The following XKR9 variants were observed in gnomAD, a reference collection of about 807,000 sequenced individuals.
The protein encoded by XKR9 is XK-related protein 9.
A neutral mutation model predicts 32.0 loss-of-function variants in XKR9; 32 were observed. The observed-to-expected ratio is 1.00, with a 90% confidence interval of 0.76 to 1.34. The LOEUF is 1.34. Among genes scored for constraint, XKR9 ranks in the 40% most tolerant of loss-of-function variants. XKR9 has a pLI of 0.00. For missense variants in XKR9, 546 were observed against 429.7 expected, an observed-to-expected ratio of 1.27 and a Z score of -2.39; for synonymous variants, 168 against 143.4, an observed-to-expected ratio of 1.17 and a Z score of -1.22.
chr8:70,770,088 T>C (rs1807433687), intron 2 of XKR9, among the ~76,000 whole-genome samples: 1 of 152,172 alleles, frequency 6.6e-6, no homozygotes. Flanking sequence ...TATCTACTGT[T>C]GCTCTTTAAT....
intron 2 of XKR9, among the ~76,000 whole-genome samples, chr8:70,751,712 T>C (rs372818111): frequency 6.6e-6 from 1 of 152,290 alleles, no homozygotes; most frequent in East Asian, 1.9e-4. Context: ...TCAAGTTCTC[T>C]GGACTTTGGA....
At chr8:70,865,467 C>CAAA in the XKR9 span, among the ~76,000 whole-genome samples, 1 of 146,626 alleles carries the variant, frequency 6.8e-6, no homozygotes, top group Admixed American at 6.8e-5. Context: ...CTCACTTTCT[C>CAAA]AAAAAAAAAA....
intron 4 of XKR9, among the ~76,000 whole-genome samples, chr8:70,726,235 C>T (rs960145131): frequency 3.3e-5 from 5 of 152,184 alleles, no homozygotes; most frequent in African/African-American, 1.2e-4. Flanking sequence ...CCAAAGAAAT[C>T]AGCAGCTTAC....
chr8:70,729,597 A>G (rs1364543233), intron 4 of XKR9, among the ~76,000 whole-genome samples: 1 of 152,204 alleles, frequency 6.6e-6, no homozygotes, highest in African/African-American at 2.4e-5. Context: ...GAGGATCAAA[A>G]TAAGGCAACA....
intron 4 of XKR9, among the ~76,000 whole-genome samples, chr8:70,710,025 A>C (rs191841151): frequency 2.0e-5 from 3 of 152,238 alleles, no homozygotes; most frequent in African/African-American, 7.2e-5. Context: ...GCATCACACT[A>C]TCTGACTTCA....
At chr8:70,787,154 C>A (rs1344554099) in intron 2 of XKR9, among the ~76,000 whole-genome samples, 4 of 152,038 alleles carry the variant, frequency 2.6e-5, no homozygotes, top group African/African-American at 9.7e-5. Context: ...CAAAATTGTT[C>A]AATAACATCC....
chr8:70,927,782 A>G, the XKR9 span, among the ~76,000 whole-genome samples: 1 of 152,112 alleles, frequency 6.6e-6, no homozygotes, highest in Non-Finnish European at 1.5e-5. Flanking sequence ...AAAACATAAC[A>G]CTGTCCATAC....
At chr8:70,674,151 G>A (rs190800814) in intron 1 of XKR9, among the ~76,000 whole-genome samples, 409 of 152,138 alleles carry the variant, frequency 2.7e-3, no homozygotes, top group Non-Finnish European at 3.7e-3. Flanking sequence ...CCTGAGTGAT[G>A]GAGCAAGACC....
At chr8:70,983,705 C>G in the XKR9 span, among the ~76,000 whole-genome samples, 2 of 151,874 alleles carry the variant, frequency 1.3e-5, no homozygotes, top group African/African-American at 4.8e-5. Context: ...CGCTTGAACC[C>G]GGGAAGTGGA....
chr8:70,980,009 ATC>A, the XKR9 span, among the ~76,000 whole-genome samples: 1 of 152,218 alleles, frequency 6.6e-6, no homozygotes, highest in African/African-American at 2.4e-5. Flanking sequence ...TCGCAGTTCG[ATC>A]TGAGACTGCT....
chr8:70,673,343 T>C (rs543609546), intron 1 of XKR9, among the ~76,000 whole-genome samples: 1 of 152,302 alleles, frequency 6.6e-6, no homozygotes, highest in South Asian at 2.1e-4. Flanking sequence ...ATTTGGCAGA[T>C]GAAGGAATAG....
chr8:70,966,609 G>A, the XKR9 span, among the ~76,000 whole-genome samples: 33 of 152,140 alleles, frequency 2.2e-4, no homozygotes, highest in Non-Finnish European at 4.3e-4. Flanking sequence ...GTTTTGGGTG[G>A]AGATTTTTGT....
the XKR9 span, among the ~76,000 whole-genome samples, chr8:70,982,513 A>T: frequency 5.3e-5 from 8 of 152,140 alleles, no homozygotes; most frequent in African/African-American, 1.9e-4. Flanking sequence ...CACAGCCCCC[A>T]GTCCTAAAGG....
the XKR9 span, among the ~76,000 whole-genome samples, chr8:71,003,234 G>C: frequency 6.6e-6 from 1 of 152,172 alleles, no homozygotes; most frequent in Non-Finnish European, 1.5e-5. Context: ...TCATTGGCCT[G>C]AGACTTTCCT....
At chr8:70,979,485 C>G in the XKR9 span, among the ~76,000 whole-genome samples, 2 of 152,218 alleles carry the variant, frequency 1.3e-5, no homozygotes, top group African/African-American at 4.8e-5. Flanking sequence ...TTCCTTCTAA[C>G]AGTCAGGTCC....
At chr8:70,759,042 T>G (rs896487508) in intron 2 of XKR9, among the ~76,000 whole-genome samples, 1 of 152,240 alleles carries the variant, frequency 6.6e-6, no homozygotes, top group African/African-American at 2.4e-5. Flanking sequence ...CAAATGACTA[T>G]TTTAATTAAA....
the XKR9 span, among the ~76,000 whole-genome samples, chr8:70,903,560 C>G: frequency 3.3e-5 from 5 of 152,164 alleles, no homozygotes; most frequent in Non-Finnish European, 5.9e-5. Context: ...GGCAGTCTAT[C>G]AATTTTGTTG....
the XKR9 span, among the ~76,000 whole-genome samples, chr8:71,004,826 A>G: frequency 6.6e-6 from 1 of 152,062 alleles, no homozygotes; most frequent in Non-Finnish European, 1.5e-5. Flanking sequence ...ACTTGGGATT[A>G]CCAATACCTT....
At chr8:70,721,520 T>C (rs1806281122) in intron 4 of XKR9, among the ~76,000 whole-genome samples, 1 of 152,196 alleles carries the variant, frequency 6.6e-6, no homozygotes, top group Admixed American at 6.5e-5. Flanking sequence ...CTCATTGGTT[T>C]CAAATAACTT....
Sources: allele counts gnomAD v4.1 joint callset (sites outside exome capture counted in the v4.1 genomes callset), GRCh38; gene constraint gnomAD v4.1.1; transcripts MANE v1.5; gene names NCBI Gene and HGNC (gene_info 2026-07-23, HGNC 2026-07-21).